ERGIC1: variants seen among roughly 807,000 people sequenced by gnomAD.
The protein encoded by ERGIC1 is endoplasmic reticulum-Golgi intermediate compartment protein 1.
ERGIC1 carries 19 observed loss-of-function variants against 38.3 expected under a neutral mutation model. The observed-to-expected ratio is 0.50, with a 90% CI of 0.35 to 0.73. ERGIC1 has a LOEUF of 0.73. Ranked by LOEUF, ERGIC1 falls within the 30% of genes least tolerant of loss-of-function variation. The probability of loss-of-function intolerance (pLI) is 0.01; values close to 1 mark genes in which losing one functional copy is unlikely to be tolerated. For synonymous variants in ERGIC1, 124 were observed against 157.6 expected, an observed-to-expected ratio of 0.79 and a Z score of 1.60; for missense variants, 294 against 389.2, an observed-to-expected ratio of 0.76 and a Z score of 2.06.
rs1561749910 is a variant in ERGIC1, at chr5:172,952,522, A to AG, written c.*1706_*1707insG. On this transcript the variant is annotated 3_prime_UTR_variant, in exon 10 of 10. Transcript: ENST00000393784. Reference sequence around the variant, plus strand: ...ATTCTTTTATGCATTTTTTTGAAGAAAAAAAAAAAAACAACTCTGAGGACA... The same window carrying AG: ...ATTCTTTTATGCATTTTTTTGAAGAAGAAAAAAAAAAACAACTCTGAGGACA... The AG allele has an allele frequency of 2.9e-4, 40 of 138,266 alleles. No homozygotes were observed. Among genetic ancestry groups the AG allele is most frequent in the African/African-American group, 1.3e-3 (37 of 29,238 alleles). The allele number at this position is 138,266 out of a possible 1,614,324, so 8.6% of individuals were successfully genotyped here. A position where few individuals can be genotyped will look rare whatever the true frequency, so the allele number is the denominator to read the frequency against.
intron 3 of ERGIC1, among the ~76,000 whole-genome samples, chr5:172,899,311 CTTTTTTTTTTTTTTTTT>C (rs34478179): frequency 2.4e-5 from 2 of 82,854 alleles, no homozygotes; most frequent in African/African-American, 5.1e-5. Flanking sequence ...GGAGTTACTT[CTTTTTTTTTTTTTTTTT>C]TTTTTTGGAG....
At chr5:172,912,450 C>G (rs1051732355) in intron 4 of ERGIC1, among the ~76,000 whole-genome samples, 1 of 151,838 alleles carries the variant, frequency 6.6e-6, no homozygotes, top group Non-Finnish European at 1.5e-5. Context: ...TGCGATGGCG[C>G]GATCTTAGCT....
intron 1 of ERGIC1, 29 bp from the exon 2 acceptor site, chr5:172,888,670 C>T: frequency 6.2e-7 from 1 of 1,607,246 alleles, no homozygotes; most frequent in Non-Finnish European, 8.5e-7. Context: ...TTGTGCCCAC[C>T]TCACTCCTGT....
intron 1 of ERGIC1, among the ~76,000 whole-genome samples, chr5:172,884,168 A>G (rs1000544281): frequency 4.6e-5 from 7 of 150,856 alleles, no homozygotes; most frequent in Non-Finnish European, 7.4e-5. Context: ...GTTTTATCCA[A>G]TGGCTTATAA....
intron 1 of ERGIC1, among the ~76,000 whole-genome samples, chr5:172,872,033 C>T (rs1291335592): frequency 2.0e-5 from 3 of 152,144 alleles, no homozygotes; most frequent in Non-Finnish European, 4.4e-5. Flanking sequence ...TTCTAAAGTG[C>T]ACAGCTAGCT....
At chr5:172,942,599 G>C (rs891456809) in intron 9 of ERGIC1, among the ~76,000 whole-genome samples, 1 of 152,204 alleles carries the variant, frequency 6.6e-6, no homozygotes, top group Non-Finnish European at 1.5e-5. Context: ...CCCATATTAG[G>C]AGCTTGGTGA....
At chr5:172,880,301 T>C (rs896865060) in intron 1 of ERGIC1, among the ~76,000 whole-genome samples, 1 of 152,166 alleles carries the variant, frequency 6.6e-6, no homozygotes. Flanking sequence ...GGCTTGTTTT[T>C]ATTTTTAAAA....
At chr5:172,850,314 C>T (rs1761372648) in intron 1 of ERGIC1, among the ~76,000 whole-genome samples, 1 of 151,706 alleles carries the variant, frequency 6.6e-6, no homozygotes, top group Non-Finnish European at 1.5e-5. Flanking sequence ...CCACCCCACC[C>T]CACCCTGGGC....
chr5:172,931,842 C>CTCA (rs1763780982), intron 7 of ERGIC1, among the ~76,000 whole-genome samples: 1 of 149,368 alleles, frequency 6.7e-6, no homozygotes, highest in Non-Finnish European at 1.5e-5. Flanking sequence ...AGAATAGCTG[C>CTCA]TCCTAGCACC....
rs560589223 is a variant in ERGIC1 at position 172,834,744 on chromosome 5, G to T, written c.20+311G>T. Reference sequence around the variant, plus strand: ...AGGAAACATTTCCTCCCTCCTCCCAGATGGGAACAGCCCATAACACCCCAG... The same window carrying T: ...AGGAAACATTTCCTCCCTCCTCCCATATGGGAACAGCCCATAACACCCCAG... On this transcript the variant is annotated intron_variant, in intron 1 of 9. Transcript: ENST00000393784. The surrounding 1 kb of genome is among the most constrained non-coding windows in gnomAD (Gnocchi z 4.1). Among the ~76,000 whole-genome samples the T allele has an allele frequency of 4.6e-5, 7 of 152,066 alleles. No individual in the cohort carries two copies. The highest frequency in any genetic ancestry group is 4.6e-4 in the Admixed American group (7 of 15,294).
chr5:172,844,347 A>T (rs573833778), intron 1 of ERGIC1, among the ~76,000 whole-genome samples: 29 of 152,306 alleles, frequency 1.9e-4, no homozygotes, highest in African/African-American at 7.0e-4. Context: ...CTTACTGCCT[A>T]CAGATGCCCT....
intron 7 of ERGIC1, among the ~76,000 whole-genome samples, chr5:172,930,586 T>A (rs1347000697): frequency 6.6e-6 from 1 of 152,130 alleles, no homozygotes; most frequent in Non-Finnish European, 1.5e-5. Flanking sequence ...CAAGTGATCC[T>A]CCCACCTCGG....
intron 5 of ERGIC1, among the ~76,000 whole-genome samples, chr5:172,919,838 G>C (rs1763464465): frequency 6.6e-6 from 1 of 152,202 alleles, no homozygotes; most frequent in Non-Finnish European, 1.5e-5. Context: ...GCCTTCTCTG[G>C]TCAGGGGAGT....
At chr5:172,887,211 G>A (rs11740563) in intron 1 of ERGIC1, among the ~76,000 whole-genome samples, 7,164 of 152,198 alleles carry the variant, frequency 0.047, 239 homozygotes, top group African/African-American at 0.081. Flanking sequence ...AAGAGGAACC[G>A]CACACCAGCC....
intron 5 of ERGIC1, 108 bp downstream of exon 5, chr5:172,914,946 GC>G: frequency 6.5e-7 from 1 of 1,536,290 alleles, no homozygotes; most frequent in Non-Finnish European, 8.9e-7. Flanking sequence ...CCCTGACACA[GC>G]CCCCAGCAAG....
chr5:172,921,928 C>T (rs1581577401), intron 5 of ERGIC1, among the ~76,000 whole-genome samples: 2 of 152,252 alleles, frequency 1.3e-5, no homozygotes, highest in African/African-American at 2.4e-5. Context: ...TCCCTGAATA[C>T]AGCCTGCACC....
chr5:172,930,490 G>A (rs1182875958), intron 7 of ERGIC1, among the ~76,000 whole-genome samples: 2 of 151,958 alleles, frequency 1.3e-5, no homozygotes, highest in African/African-American at 4.8e-5. Flanking sequence ...CTACAGGTGT[G>A]TGCCACCAGG....
chr5:172,948,263 C>G (rs1764165036), intron 9 of ERGIC1, among the ~76,000 whole-genome samples: 1 of 152,254 alleles, frequency 6.6e-6, no homozygotes. Context: ...CTGGGCCTCA[C>G]AGGCCCCCGC....
intron 1 of ERGIC1, among the ~76,000 whole-genome samples, chr5:172,839,751 G>A (rs910975950): frequency 2.9e-4 from 44 of 152,180 alleles, no homozygotes; most frequent in Admixed American, 9.2e-4. Context: ...TACTGTATCA[G>A]CCCCTTTAAT....
Sources: allele counts gnomAD v4.1 joint callset (sites outside exome capture counted in the v4.1 genomes callset), GRCh38; gene constraint gnomAD v4.1.1; non-coding constraint Gnocchi (gnomAD v3.1); transcripts MANE v1.5; gene names NCBI Gene and HGNC (gene_info 2026-07-23, HGNC 2026-07-21).